Variants in EP400 observed in about 807,000 individuals in gnomAD.
EP400 encodes E1A-binding protein p400.
In EP400, 105 loss-of-function variants were observed where a neutral mutation model predicts 354.1. The ratio of observed to expected loss-of-function variants is 0.30; its 90% CI spans 0.25 to 0.35. The LOEUF (loss-of-function observed/expected upper bound fraction) is 0.35. EP400 is among the 10% of genes least tolerant of loss of function. The probability of loss-of-function intolerance (pLI) is 1.00; values close to 1 mark genes in which losing one functional copy is unlikely to be tolerated. For synonymous variants in EP400, 1,646 were observed against 1,716.9 expected, an observed-to-expected ratio of 0.96 and a Z score of 1.02; for missense variants, 3,280 against 4,121.0, an observed-to-expected ratio of 0.80 and a Z score of 5.59.
intron 30 of EP400, among the ~76,000 whole-genome samples, chr12:132,035,744 A>T (rs1243634452): frequency 6.6e-6 from 1 of 151,060 alleles, no homozygotes; most frequent in African/African-American, 2.4e-5. Flanking sequence ...ACCCAGGTTC[A>T]CATGGAACGT....
At chr12:132,024,931 C>T (rs1226643811) in intron 24 of EP400, among the ~76,000 whole-genome samples, 2 of 152,050 alleles carry the variant, frequency 1.3e-5, no homozygotes, top group East Asian at 1.9e-4. Context: ...GCCTGTGGCA[C>T]TTGTCAGGGT....
intron 2 of EP400, among the ~76,000 whole-genome samples, chr12:131,968,856 T>G (rs1892192307): frequency 6.6e-6 from 1 of 152,144 alleles, no homozygotes; most frequent in Non-Finnish European, 1.5e-5. Context: ...TTCCAGCTGT[T>G]TATTGTAAGT....
At chr12:132,058,827 C>G (rs1270308375) in intron 45 of EP400, among the ~76,000 whole-genome samples, 1 of 148,430 alleles carries the variant, frequency 6.7e-6, no homozygotes, top group Non-Finnish European at 1.5e-5. Context: ...CTTGCTGTTG[C>G]TCTGGCTGGA....
chr12:131,986,556 T>C lies in EP400; in HGVS notation c.1972T>C (p.Cys658Arg). 6.2e-7 allele frequency: 1 copy of C among 1,613,332 alleles called. No individual in the cohort carries two copies. The highest frequency in any genetic ancestry group is 1.3e-5 in the African/African-American group (1 of 75,046). ...GCTCCCTGTGGACCCTGCCCCGCCC[T>C]GCCCACGGCCTCTGCCCACCTCTTC... ...TRLPVDPAPPCPRPLPTSSTS... is the reference protein window; with the variant it reads ...TRLPVDPAPPRPRPLPTSSTS... Residue 658 changes from cysteine to arginine, a missense_variant, in exon 6 of 53, where the codon TGC becomes CGC. By Grantham distance (180) the Cys-to-Arg change is radical. Around this residue, in one of 20 missense-constraint regions of EP400, gnomAD observed 800 missense variants for 840.0 expected, o/e 0.95. Coordinates refer to ENST00000389561, the MANE Select transcript of EP400 (RefSeq NM_015409.5).
At chr12:131,953,050 A>G (rs569022440) in intron 1 of EP400, among the ~76,000 whole-genome samples, 2 of 152,296 alleles carry the variant, frequency 1.3e-5, no homozygotes, top group Admixed American at 6.5e-5. Flanking sequence ...AGTGAGGGCG[A>G]TATCTCCAAC....
In EP400 at chr12:132,070,539, G is replaced by A. The variant is rs147748769; in HGVS notation, c.9021+898G>A. Among the ~76,000 whole-genome samples, 321 of 152,326 alleles carry A rather than the reference G, an allele frequency of 2.1e-3. 2 individuals are homozygous for A. Among genetic ancestry groups the A allele is most frequent in the African/African-American group, 5.9e-3 (246 of 41,578 alleles). Reference sequence around the variant, plus strand: ...TACCACACCCTTCCTTGGGTGTAGCGTGCCTATTCTTGGCTCTTTCCACTT... The same window carrying A: ...TACCACACCCTTCCTTGGGTGTAGCATGCCTATTCTTGGCTCTTTCCACTT... On this transcript the variant is annotated intron_variant, in intron 51 of 52. Transcript: ENST00000389561. This position sits in a 1 kb window ranked among gnomAD's most constrained non-coding sequence, Gnocchi z 4.1.
At chr12:132,003,899 C>A (rs1018732785) in intron 12 of EP400, among the ~76,000 whole-genome samples, 2 of 152,222 alleles carry the variant, frequency 1.3e-5, no homozygotes, top group African/African-American at 4.8e-5. Context: ...TAACATGGTC[C>A]TTGTAGGGTG....
intron 2 of EP400, among the ~76,000 whole-genome samples, chr12:131,975,705 C>G (rs1192575017): frequency 6.6e-6 from 1 of 151,988 alleles, no homozygotes; most frequent in African/African-American, 2.4e-5. Flanking sequence ...GAGTACAGGC[C>G]TGTGCCACCA....
chr12:132,067,298 A>C lies in EP400; in HGVS notation c.8750-64A>C. Reference sequence around the variant, plus strand: ...TGTAGAGGTGAGTCAGTTGGAACAGAGCTTGGCGTGAGCCTCAAGCTCTTT... The same window carrying C: ...TGTAGAGGTGAGTCAGTTGGAACAGCGCTTGGCGTGAGCCTCAAGCTCTTT... On this transcript the variant is annotated intron_variant, in intron 49 of 52. Coordinates refer to ENST00000389561, the MANE Select transcript of EP400 (RefSeq NM_015409.5). The surrounding 1 kb of genome is among the most constrained non-coding windows in gnomAD (Gnocchi z 5.3). 1 of 1,581,924 alleles carries C rather than the reference A, an allele frequency of 6.3e-7. No individual in the cohort carries two copies. The highest frequency in any genetic ancestry group is 8.6e-7 in the Non-Finnish European group (1 of 1,161,510).
chr12:132,039,878 G>C (rs1894840170), intron 32 of EP400, among the ~76,000 whole-genome samples: 1 of 152,160 alleles, frequency 6.6e-6, no homozygotes, highest in South Asian at 2.1e-4. Context: ...ATCTCTACAA[G>C]AAGAATTTTG....
Position 132,025,689 on chromosome 12 carries a change from T to C in EP400, c.4899T>C (p.Leu1633=). 1.9e-6 allele frequency: 3 copies of C among 1,613,132 alleles called. No homozygotes were observed. The highest frequency in any genetic ancestry group is 2.5e-6 in the Non-Finnish European group (3 of 1,179,722). The change falls in exon 25 of 53, where the codon CTT becomes CTC. Residue 1633 remains leucine, a synonymous_variant. Transcript: ENST00000389561. This position sits in a 1 kb window ranked among gnomAD's most constrained non-coding sequence, Gnocchi z 4.1. The stretch of plus-strand genomic sequence containing the variant: ...TGTCCGCCCCCGGGCAGCCCTACCT[T>C]CGAGCCCCTGGCCCTGTGGTGATGC... ...QIVSAPGQPY[L]RAPGPVVMQT... is the part of the protein sequence containing the mutation.
intron 51 of EP400, among the ~76,000 whole-genome samples, chr12:132,071,404 G>A (rs1004090354): frequency 2.0e-5 from 3 of 152,100 alleles, no homozygotes; most frequent in Non-Finnish European, 4.4e-5. Context: ...AGGTGTGTAC[G>A]CCTGACCTGC....
chr12:132,037,912 T>C, intron 31 of EP400, 41 bp from the exon 32 acceptor site: 1 of 1,613,852 alleles, frequency 6.2e-7, no homozygotes, highest in Non-Finnish European at 8.5e-7. Flanking sequence ...GATGCACACT[T>C]GGACCTTGTA....
chr12:131,965,617 A>G lies in EP400; in HGVS notation c.1335+3663A>G, dbSNP rs563843641. Among the ~76,000 whole-genome samples the G allele has an allele frequency of 4.6e-5, 7 of 152,220 alleles. No homozygotes were observed. In the East Asian group the frequency reaches 1.4e-3, roughly 29 times the overall value. ...GCAACAGAAGCTCCATCACCTCCCA[A>G]AATGTTCCCTCATCAACCCTTCACG... On this transcript the variant is annotated intron_variant, in intron 2 of 52. Coordinates refer to ENST00000389561, the MANE Select transcript of EP400 (RefSeq NM_015409.5).
In EP400 at chr12:131,987,732, G is replaced by A; in HGVS notation, c.2251G>A (p.Glu751Lys). Residue 751 changes from glutamate to lysine, a missense_variant, in exon 7 of 53, where the codon GAG (glutamate) becomes AAG (lysine). Physicochemically the swap from Glu to Lys is moderately conservative, Grantham distance 56. Coordinates refer to ENST00000389561, the MANE Select transcript of EP400 (RefSeq NM_015409.5). ...GAACCAGGTGCATCAGCGCATTGCG[G>A]AGCTGAGGAAAGCAGGTCTGTGGTC... is the stretch of plus-strand genomic sequence containing the variant. ...LENQVHQRIA[E>K]LRKAGLWSQR... 1 of 1,610,356 alleles carries A rather than the reference G, an allele frequency of 6.2e-7. No individual in the cohort carries two copies.
rs1483295533 is a variant in EP400, at chr12:132,070,823, T to G, written c.9021+1182T>G. Among the ~76,000 whole-genome samples, 1 of 152,274 alleles carries G rather than the reference T, an allele frequency of 6.6e-6. No homozygotes were observed. Among genetic ancestry groups the G allele is most frequent in the Admixed American group, 6.5e-5 (1 of 15,294 alleles). On this transcript the variant is annotated intron_variant, in intron 51 of 52. Transcript: ENST00000389561. The surrounding 1 kb of genome is among the most constrained non-coding windows in gnomAD (Gnocchi z 4.1). ...AAGCAATCAGTATTTTTTGATGCTT[T>G]TGTAAATGGTATGCTTTTAATTTCC... is the stretch of plus-strand genomic sequence containing the variant.
chr12:132,012,480 C>T (rs1893798669), intron 16 of EP400, among the ~76,000 whole-genome samples: 1 of 152,196 alleles, frequency 6.6e-6, no homozygotes, highest in Non-Finnish European at 1.5e-5. Context: ...CCCTTTCATA[C>T]TGCACAAGTT....
intron 1 of EP400, among the ~76,000 whole-genome samples, chr12:131,958,907 C>A (rs1170458357): frequency 6.6e-6 from 1 of 152,226 alleles, no homozygotes; most frequent in Admixed American, 6.5e-5. Context: ...TTGCGATGAA[C>A]AAGGGGTCTT....
chr12:132,041,722 G>C (rs974337783), intron 32 of EP400, among the ~76,000 whole-genome samples: 5 of 152,194 alleles, frequency 3.3e-5, no homozygotes, highest in African/African-American at 1.2e-4. Flanking sequence ...CTCCTGCCAT[G>C]GGGTTGTTCT....
Sources: allele counts gnomAD v4.1 joint callset (sites outside exome capture counted in the v4.1 genomes callset), GRCh38; gene constraint gnomAD v4.1.1; regional missense constraint gnomAD v4.1.1; non-coding constraint Gnocchi (gnomAD v3.1); transcripts MANE v1.5; gene names NCBI Gene and HGNC (gene_info 2026-07-23, HGNC 2026-07-21).